CFAP61: variants seen among roughly 807,000 people sequenced by gnomAD.
CFAP61 encodes the protein cilia- and flagella-associated protein 61.
Under a neutral mutation model 135.6 loss-of-function variants are expected in CFAP61, and 107 were observed. The observed-to-expected ratio is 0.79, with a 90% CI of 0.67 to 0.93. The LOEUF (loss-of-function observed/expected upper bound fraction) is 0.93. CFAP61 is among the 40% of genes least tolerant of loss of function. The pLI is 0.00. For synonymous variants in CFAP61, 575 were observed against 578.5 expected (o/e 0.99, Z 0.09); for missense variants, 1,507 against 1,556.2 (o/e 0.97, Z 0.53).
At chr20:20,346,193 GC>G (rs1231291697) in intron 26 of CFAP61, among the ~76,000 whole-genome samples, 4 of 143,452 alleles carry the variant, frequency 2.8e-5, no homozygotes, top group Non-Finnish European at 6.1e-5. Flanking sequence ...GAGCCACCGC[GC>G]CCGGCCGATT....
intron 25 of CFAP61, among the ~76,000 whole-genome samples, chr20:20,312,346 A>C (rs991801813): frequency 6.6e-6 from 1 of 152,218 alleles, no homozygotes; most frequent in East Asian, 1.9e-4. Flanking sequence ...ACTTTTAGAG[A>C]TGAAAACTAC....
In CFAP61 at chr20:20,242,467, G is replaced by A. The variant is rs1235779064; in HGVS notation, c.2061-3650G>A. Among the ~76,000 whole-genome samples the A allele has an allele frequency of 2.0e-5, 3 of 152,220 alleles. No homozygotes were observed. In the East Asian group the frequency reaches 5.8e-4, roughly 29 times the overall value. Reference sequence around the variant, plus strand: ...TCTACTTAGGTGCACTTTACCTGTAGGACTAGTTAGAGGGAGTATTGTGGG... The same window carrying A: ...TCTACTTAGGTGCACTTTACCTGTAAGACTAGTTAGAGGGAGTATTGTGGG... On this transcript the variant is annotated intron_variant, in intron 18 of 26. Coordinates refer to ENST00000245957, the MANE Select transcript of CFAP61 (RefSeq NM_015585.4).
intron 6 of CFAP61, among the ~76,000 whole-genome samples, chr20:20,087,572 A>G (rs988365733): frequency 6.6e-6 from 1 of 152,172 alleles, no homozygotes; most frequent in Non-Finnish European, 1.5e-5. Context: ...TTCTCCTTAC[A>G]GTAGTCAATG....
At chr20:20,146,945 T>TA (rs1438616398) in intron 9 of CFAP61, among the ~76,000 whole-genome samples, 1 of 152,176 alleles carries the variant, frequency 6.6e-6, no homozygotes, top group African/African-American at 2.4e-5. Flanking sequence ...ATATCACTCT[T>TA]ACGCCTTTGC....
rs1569293187 is a variant in CFAP61 at position 20,320,384 on chromosome 20, TAATATATATA to T, written c.3423-21445_3423-21436del. Among the ~76,000 whole-genome samples the T allele has an allele frequency of 6.7e-3, 108 of 16,056 alleles. 8 individuals carry two copies. The highest frequency in any genetic ancestry group is 0.024 in the African/African-American group (73 of 3,078). The allele number at this position is 16,056 out of a possible 152,430, so 10.5% of individuals were successfully genotyped here. On this transcript the variant is annotated intron_variant, in intron 25 of 26. Coordinates refer to ENST00000245957, the MANE Select transcript of CFAP61 (RefSeq NM_015585.4). ...ATATGTAATATATATTATATATATG[TAATATATATA>T]ATATATGTAATATATGTAATATATA...
chr20:20,320,329 T>TTTCAG (rs371812873), intron 25 of CFAP61, among the ~76,000 whole-genome samples: 1 of 85,160 alleles, frequency 1.2e-5, no homozygotes, highest in Admixed American at 1.6e-4. Flanking sequence ...TATAGATATA[T>TTTCAG]ATATATTATA....
intron 1 of CFAP61, 91 bp downstream of exon 1, chr20:20,052,682 T>G (rs2146513282): frequency 6.2e-7 from 1 of 1,613,148 alleles, no homozygotes; most frequent in African/African-American, 1.3e-5. Flanking sequence ...GGAACTGGGA[T>G]GACCAGGCGA....
At position 20,165,058 on chromosome 20, in the gene CFAP61, C is replaced by T. The variant is rs539786939; in HGVS notation, c.1205+830C>T. ...CAACACGTGGGAATTATGGGAGCTA[C>T]AATTCAAGATGAGATTTGGGTGGGG... is the stretch of plus-strand genomic sequence containing the variant. On this transcript the variant is annotated intron_variant, in intron 11 of 26. Coordinates refer to ENST00000245957, the MANE Select transcript of CFAP61 (RefSeq NM_015585.4). Among the ~76,000 whole-genome samples the T allele has an allele frequency of 3.9e-5, 6 of 152,312 alleles. No homozygotes were observed. In the East Asian group the frequency reaches 5.8e-4, roughly 15 times the overall value.
chr20:20,261,913 T>C (rs979445657), intron 20 of CFAP61, among the ~76,000 whole-genome samples: 1 of 152,184 alleles, frequency 6.6e-6, no homozygotes, highest in African/African-American at 2.4e-5. Context: ...GAGGAAAGTT[T>C]CTGTTCCCAC....
intron 17 of CFAP61, among the ~76,000 whole-genome samples, chr20:20,202,442 A>C (rs2056668604): frequency 6.6e-6 from 1 of 152,274 alleles, no homozygotes; most frequent in South Asian, 2.1e-4. Flanking sequence ...ACATATTAAA[A>C]GTTTAATCAC....
At chr20:20,321,257 A>G (rs2057497784) in intron 25 of CFAP61, among the ~76,000 whole-genome samples, 1 of 152,158 alleles carries the variant, frequency 6.6e-6, no homozygotes, top group Non-Finnish European at 1.5e-5. Flanking sequence ...AATAAATGAG[A>G]GTGTCTGGTG....
rs146926855 is a variant in CFAP61, at chr20:20,160,936, G to A, written c.1026+1492G>A. ...TCTGCACTGTGTTCTCTAGGCTTTCGGAGATCCAGGTGGGGTTGATTCACC... is the reference window on the plus strand; with the variant it reads ...TCTGCACTGTGTTCTCTAGGCTTTCAGAGATCCAGGTGGGGTTGATTCACC... On this transcript the variant is annotated intron_variant, in intron 10 of 26. Transcript: ENST00000245957. Among the ~76,000 whole-genome samples, 303 of 152,248 alleles carry A rather than the reference G, an allele frequency of 2.0e-3. 1 individual carries two copies. The highest frequency in any genetic ancestry group is 3.1e-3 in the Non-Finnish European group (210 of 68,022).
chr20:20,087,399 G>C (rs2046885022), intron 6 of CFAP61, among the ~76,000 whole-genome samples: 2 of 152,038 alleles, frequency 1.3e-5, no homozygotes, highest in South Asian at 4.1e-4. Flanking sequence ...TTGTTTTTTT[G>C]TTCCTGCATT....
chr20:20,085,541 G>A (rs754263602), intron 6 of CFAP61: 2 of 1,365,974 alleles, frequency 1.5e-6, no homozygotes, highest in Non-Finnish European at 2.0e-6. Flanking sequence ...GTTGAGGTAT[G>A]ATTATGGATA....
At chr20:20,055,961 A>G (rs1412016625) in intron 1 of CFAP61, 1 of 1,610,744 alleles carries the variant, frequency 6.2e-7, no homozygotes, top group Non-Finnish European at 8.5e-7. Flanking sequence ...TTTTGTCAAC[A>G]GCATTTCCCA....
chr20:20,258,618 G>C (rs2051865911), intron 20 of CFAP61: 1 of 152,208 alleles, frequency 6.6e-6, no homozygotes, highest in African/African-American at 2.4e-5. Flanking sequence ...AACAGATCTA[G>C]ACAGGCCCCA....
At chr20:20,105,821 A>G (rs888774899) in intron 8 of CFAP61, among the ~76,000 whole-genome samples, 8 of 138,886 alleles carry the variant, frequency 5.8e-5, no homozygotes, top group African/African-American at 2.2e-4. Flanking sequence ...TTTTTTTTTT[A>G]GTAGAGATGG....
At chr20:20,103,622 T>C (rs550798843) in intron 8 of CFAP61, among the ~76,000 whole-genome samples, 144 of 152,360 alleles carry the variant, frequency 9.5e-4, no homozygotes, top group African/African-American at 3.3e-3. Flanking sequence ...AAAAAACTTA[T>C]TGAATACATA....
At chr20:20,056,822 T>C in intron 2 of CFAP61, 26 bp downstream of exon 2, 3 of 1,612,090 alleles carry the variant, frequency 1.9e-6, no homozygotes, top group Non-Finnish European at 2.5e-6. Context: ...AGTTCAAGAA[T>C]GTTCATCAAT....
Sources: gnomAD v4.1 joint callset for allele counts (sites outside exome capture counted in the v4.1 genomes callset) on GRCh38, gnomAD v4.1.1 for gene constraint, MANE v1.5 for transcripts, NCBI Gene and HGNC (gene_info 2026-07-23, HGNC 2026-07-21) for gene names.